Variants in PIAS2 observed in about 807,000 individuals in gnomAD.
PIAS2 encodes protein inhibitor of activated STAT 2.
Under a neutral mutation model 69.7 loss-of-function variants are expected in PIAS2, and 19 were observed. The observed-to-expected ratio is 0.27, with a 90% confidence interval of 0.19 to 0.40. PIAS2 has a LOEUF of 0.40. Ranked by LOEUF, PIAS2 falls within the 10% of genes least tolerant of loss-of-function variation. The pLI is 1.00. For synonymous variants in PIAS2, 261 were observed against 263.2 expected (o/e 0.99, Z 0.08); for missense variants, 624 against 757.0 (o/e 0.82, Z 2.06).
chr18:46,901,100 A>G (rs2146160872), intron 1 of PIAS2: 2 of 364,108 alleles, frequency 5.5e-6, no homozygotes, highest in South Asian at 4.2e-5. Flanking sequence ...CATGATACCA[A>G]AACAAAACAA....
At chr18:46,817,423 G>A (rs1374681777) in intron 12 of PIAS2, 4 of 965,610 alleles carry the variant, frequency 4.1e-6, no homozygotes, top group Non-Finnish European at 4.9e-6. Flanking sequence ...ATTAAAAATT[G>A]AAGCTCTATC....
Position 46,812,607 on chromosome 18 carries a change from A to T in PIAS2, c.1692T>A (p.Cys564Ter). 2 of 1,607,494 alleles carry T rather than the reference A, an allele frequency of 1.2e-6. No homozygotes were observed. Among genetic ancestry groups the T allele is most frequent in the Non-Finnish European group, 1.7e-6 (2 of 1,174,868 alleles). ...LSLIPVDPQY[C>*]PPMFLDSLTS... Reference sequence around the variant, plus strand: ...TGAGACTATCCAAAAACATAGGAGGACAGTACTGCTTGAAACAAACAATGA... The same window carrying T: ...TGAGACTATCCAAAAACATAGGAGGTCAGTACTGCTTGAAACAAACAATGA... The change falls in exon 14 of 14, where the codon TGT (cysteine) becomes TGA (stop). Residue 564 changes from cysteine to a stop codon, truncating the protein, a stop_gained. Coordinates refer to ENST00000585916, the MANE Select transcript of PIAS2 (RefSeq NM_004671.5). LOFTEE classifies it high-confidence loss of function.
At chr18:46,828,726 T>C (rs2043161629) in intron 10 of PIAS2, among the ~76,000 whole-genome samples, 1 of 152,250 alleles carries the variant, frequency 6.6e-6, no homozygotes, top group South Asian at 2.1e-4. Flanking sequence ...TTCTTATGAA[T>C]TATCTGCTAA....
chr18:46,919,298 C>T (rs1355164189), upstream of PIAS2, among the ~76,000 whole-genome samples: 1 of 151,926 alleles, frequency 6.6e-6, no homozygotes, highest in Non-Finnish European at 1.5e-5. Context: ...GCCAGCCTGA[C>T]CAACATGGAG....
At chr18:46,821,858 A>G (rs2042217439) in intron 11 of PIAS2, among the ~76,000 whole-genome samples, 1 of 152,256 alleles carries the variant, frequency 6.6e-6, no homozygotes, top group Non-Finnish European at 1.5e-5. Flanking sequence ...AATTTCAAGA[A>G]GCAGTATAAT....
intron 7 of PIAS2, 69 bp from the exon 8 acceptor site, chr18:46,844,196 T>C (rs1160354818): frequency 2.9e-6 from 2 of 698,546 alleles, no homozygotes; most frequent in Non-Finnish European, 2.3e-6. Context: ...ATTATAGAAA[T>C]ATATAGCATC....
At chr18:46,832,909 A>AG (rs35776659) in intron 9 of PIAS2, among the ~76,000 whole-genome samples, 6 of 150,722 alleles carry the variant, frequency 4.0e-5, no homozygotes, top group African/African-American at 1.5e-4. Flanking sequence ...AAAAAAAAAA[A>AG]GAGAAGCCAT....
intron 6 of PIAS2, among the ~76,000 whole-genome samples, chr18:46,845,156 A>T (rs1407763582): frequency 6.6e-6 from 1 of 152,182 alleles, no homozygotes; most frequent in Admixed American, 6.5e-5. Context: ...CACCCTGAAA[A>T]TGTACCCTCC....
At chr18:46,913,665 T>C (rs995573207) in intron 1 of PIAS2, among the ~76,000 whole-genome samples, 2 of 152,116 alleles carry the variant, frequency 1.3e-5, no homozygotes, top group Non-Finnish European at 2.9e-5. Flanking sequence ...AGGGACCTTT[T>C]TGTGAATGAC....
upstream of PIAS2, among the ~76,000 whole-genome samples, chr18:46,918,546 C>T (rs1448383057): frequency 6.6e-6 from 1 of 152,124 alleles, no homozygotes; most frequent in African/African-American, 2.4e-5. Context: ...TGTCTGCCTC[C>T]CGGGTTCAAG....
intron 1 of PIAS2, among the ~76,000 whole-genome samples, chr18:46,909,282 A>G (rs1420368886): frequency 6.6e-6 from 1 of 152,044 alleles, no homozygotes; most frequent in Non-Finnish European, 1.5e-5. Flanking sequence ...TTTTTGAAAC[A>G]GGGTCTCACT....
intron 3 of PIAS2, among the ~76,000 whole-genome samples, chr18:46,859,226 A>C (rs531621770): frequency 1.3e-5 from 2 of 152,220 alleles, no homozygotes; most frequent in Non-Finnish European, 1.5e-5. Flanking sequence ...CAGGAGATCG[A>C]GACCATCCTG....
chr18:46,813,700 C>T (rs1169735953), intron 13 of PIAS2, among the ~76,000 whole-genome samples: 1 of 152,146 alleles, frequency 6.6e-6, no homozygotes, highest in East Asian at 1.9e-4. Context: ...ACAGGAACAA[C>T]AGTCCCAGGT....
chr18:46,825,993 G>A (rs1460581162), intron 11 of PIAS2, among the ~76,000 whole-genome samples: 2 of 152,162 alleles, frequency 1.3e-5, no homozygotes, highest in Non-Finnish European at 2.9e-5. Context: ...ATCTTTCTAT[G>A]TGAGTCTGTT....
rs2040710288 is a variant in PIAS2, at chr18:46,806,814, C to G, written c.*5619G>C. The stretch of plus-strand genomic sequence containing the variant: ...ATAAGAGGCATATGCTATTCTACAA[C>G]ACGGTAACACTCTTCGTCACTTAAA... On this transcript the variant is annotated 3_prime_UTR_variant, in exon 14 of 14. Transcript: ENST00000585916. 1 of 152,134 alleles carries G rather than the reference C, an allele frequency of 6.6e-6. No individual in the cohort carries two copies. Among genetic ancestry groups the G allele is most frequent in the African/African-American group, 2.4e-5 (1 of 41,414 alleles). 9.4% of individuals were successfully genotyped at this position (152,134 alleles called of 1,614,324 possible).
rs138034257 is a variant in PIAS2 at position 46,883,076 on chromosome 18, C to T, written c.499+7504G>A. Among the ~76,000 whole-genome samples, 320 of 147,016 alleles carry T rather than the reference C, an allele frequency of 2.2e-3. 2 individuals are homozygous for T. The highest frequency in any genetic ancestry group is 7.5e-3 in the African/African-American group (299 of 39,646). ...TCACACCACTGCACTGCAGCCTGGG[C>T]GACAGAGGGAGACTCCGTCTCAAAA... On this transcript the variant is annotated intron_variant, in intron 2 of 13. Coordinates refer to ENST00000585916, the MANE Select transcript of PIAS2 (RefSeq NM_004671.5).
intron 2 of PIAS2, among the ~76,000 whole-genome samples, chr18:46,868,211 C>T (rs926902954): frequency 6.6e-6 from 1 of 152,222 alleles, no homozygotes; most frequent in Non-Finnish European, 1.5e-5. Context: ...ACAGTAAGTT[C>T]CTCTTCAAAG....
rs559479469 is a variant in PIAS2 at position 46,827,004 on chromosome 18, G to T, written c.1508+955C>A. The T allele has an allele frequency of 6.6e-5, 10 of 152,146 alleles. No homozygotes were observed. The East Asian group carries it at 1.9e-3, about 29-fold the overall frequency. 9.4% of individuals were successfully genotyped at this position (152,146 alleles called of 1,614,324 possible). A position where few individuals can be genotyped will look rare whatever the true frequency, so the allele number is the denominator to read the frequency against. Reference sequence around the variant, plus strand: ...AAAAGAACATGAAGAAAGTTTTTTGGGTGTTGAAAATATTCTACTACTGAA... The same window carrying T: ...AAAAGAACATGAAGAAAGTTTTTTGTGTGTTGAAAATATTCTACTACTGAA... On this transcript the variant is annotated intron_variant, in intron 11 of 13. Coordinates refer to ENST00000585916, the MANE Select transcript of PIAS2 (RefSeq NM_004671.5).
chr18:46,810,474 G>A lies in PIAS2; in HGVS notation c.*1959C>T, dbSNP rs1451200856. The A allele has an allele frequency of 6.6e-6, 1 of 152,034 alleles. No individual in the cohort carries two copies. The highest frequency in any genetic ancestry group is 1.5e-5 in the Non-Finnish European group (1 of 67,996). 9.4% of individuals were successfully genotyped at this position (152,034 alleles called of 1,614,324 possible). A position where few individuals can be genotyped will look rare whatever the true frequency, so the allele number is the denominator to read the frequency against. ...CAGCAACATAAAACTTTATTAGAAA[G>A]AAATACTATATCTGGACCAAAAAAC... On this transcript the variant is annotated 3_prime_UTR_variant, in exon 14 of 14. Coordinates refer to ENST00000585916, the MANE Select transcript of PIAS2 (RefSeq NM_004671.5).
Sources: gnomAD v4.1 joint callset for allele counts (sites outside exome capture counted in the v4.1 genomes callset) on GRCh38, gnomAD v4.1.1 for gene constraint, MANE v1.5 for transcripts, NCBI Gene and HGNC (gene_info 2026-07-23, HGNC 2026-07-21) for gene names.